The following GALNT2 variants were observed in gnomAD, a reference collection of about 807,000 sequenced individuals.
GALNT2 encodes the protein UDP-GalNAc:polypeptide N-acetylgalactosaminyltransferase 2.
In GALNT2, 31 loss-of-function variants were observed where a neutral mutation model predicts 81.4. The ratio of observed to expected loss-of-function variants is 0.38; its 90% CI spans 0.29 to 0.51. GALNT2 has a LOEUF of 0.51. GALNT2 is among the 20% of genes least tolerant of loss of function. GALNT2 has a pLI of 0.87. For synonymous variants in GALNT2, 303 were observed against 287.4 expected, an observed-to-expected ratio of 1.05 and a Z score of -0.55; for missense variants, 629 against 765.7, an observed-to-expected ratio of 0.82 and a Z score of 2.11.
At chr1:230,267,085 C>G (rs1393563265) in intron 14 of GALNT2, among the ~76,000 whole-genome samples, 1 of 152,176 alleles carries the variant, frequency 6.6e-6, no homozygotes, top group Non-Finnish European at 1.5e-5. Flanking sequence ...GCTCAGTCCC[C>G]CTCTCTTCCT....
At chr1:230,112,519 G>A (rs6697219) in intron 1 of GALNT2, among the ~76,000 whole-genome samples, 65,073 of 151,892 alleles carry the variant, frequency 0.43, 13,952 homozygotes, top group South Asian at 0.53. Flanking sequence ...GGGCAGGATT[G>A]GGGTGAGGGC....
At chr1:230,140,025 C>T (rs1661678183) in intron 1 of GALNT2, among the ~76,000 whole-genome samples, 3 of 152,250 alleles carry the variant, frequency 2.0e-5, no homozygotes, top group Admixed American at 1.3e-4. Flanking sequence ...ACCCCAGGCC[C>T]AGAGAGGCTG....
chr1:230,278,504 C>T (rs542881889), intron 15 of GALNT2, among the ~76,000 whole-genome samples: 13 of 152,136 alleles, frequency 8.5e-5, no homozygotes, highest in African/African-American at 3.1e-4. Flanking sequence ...TTGATTCTGG[C>T]TTAGTTGGTG....
At chr1:230,096,388 G>A (rs555456095) in intron 1 of GALNT2, among the ~76,000 whole-genome samples, 3 of 152,274 alleles carry the variant, frequency 2.0e-5, no homozygotes, top group Admixed American at 2.0e-4. Context: ...TCGTCAAAGG[G>A]AGTCATGGGG....
At chr1:230,102,211 C>G (rs550343869) in intron 1 of GALNT2, among the ~76,000 whole-genome samples, 40 of 152,328 alleles carry the variant, frequency 2.6e-4, no homozygotes, top group African/African-American at 9.4e-4. Flanking sequence ...AAAAGGGGAG[C>G]TTAGACGAAG....
At chr1:230,118,826 G>A (rs1302588764) in intron 1 of GALNT2, among the ~76,000 whole-genome samples, 2 of 152,116 alleles carry the variant, frequency 1.3e-5, no homozygotes, top group Admixed American at 1.3e-4. Context: ...ATTAAAAAAA[G>A]TTATTATAGT....
At chr1:230,084,967 G>A (rs899422770) in intron 1 of GALNT2, among the ~76,000 whole-genome samples, 2 of 152,266 alleles carry the variant, frequency 1.3e-5, no homozygotes, top group East Asian at 1.9e-4. Flanking sequence ...GACCCCAGCT[G>A]TATTTGTAAG....
chr1:230,235,324 G>T (rs1277577453), intron 3 of GALNT2, among the ~76,000 whole-genome samples: 1 of 151,942 alleles, frequency 6.6e-6, no homozygotes, highest in Non-Finnish European at 1.5e-5. Flanking sequence ...TGCTTTGTAG[G>T]TCTGGCCTCT....
intron 6 of GALNT2, among the ~76,000 whole-genome samples, chr1:230,239,276 G>T (rs933303182): frequency 9.2e-5 from 14 of 152,072 alleles, no homozygotes; most frequent in African/African-American, 3.4e-4. Context: ...TCTCCAAAAG[G>T]ACAGAACTAA....
At position 230,255,306 on chromosome 1, in the gene GALNT2, C is replaced by T. The variant is rs753534355; in HGVS notation, c.1098C>T (p.Pro366=). 6.2e-7 allele frequency: 1 copy of T among 1,614,258 alleles called. No homozygotes were observed. The highest frequency in any genetic ancestry group is 8.5e-7 in the Non-Finnish European group (1 of 1,180,050). Reference sequence around the variant, plus strand: ...GACACGTGTTCCGGAAGCAGCACCCCTACACGTTCCCGGGTGGCAGTGGCA... The same window carrying T: ...GACACGTGTTCCGGAAGCAGCACCCTTACACGTTCCCGGGTGGCAGTGGCA... ...RVGHVFRKQH[P]YTFPGGSGTV... is the part of the protein sequence containing the mutation. Residue 366 remains proline, a synonymous_variant, in exon 11 of 16, where the codon CCC becomes CCT. Coordinates refer to ENST00000366672, the MANE Select transcript of GALNT2 (RefSeq NM_004481.5).
intron 15 of GALNT2, among the ~76,000 whole-genome samples, chr1:230,278,050 A>G (rs1003908924): frequency 1.4e-5 from 2 of 147,510 alleles, no homozygotes; most frequent in East Asian, 4.0e-4. Context: ...AAAAAATGTT[A>G]CTTTTTTTTT....
intron 2 of GALNT2, among the ~76,000 whole-genome samples, chr1:230,181,953 A>G (rs930166515): frequency 5.3e-5 from 8 of 152,180 alleles, no homozygotes; most frequent in African/African-American, 1.7e-4. Context: ...ATTTCTTCTT[A>G]TGTGAATTTT....
chr1:230,113,173 G>A (rs368374393), intron 1 of GALNT2, among the ~76,000 whole-genome samples: 29 of 152,242 alleles, frequency 1.9e-4, no homozygotes, highest in African/African-American at 6.5e-4. Context: ...TGGGCACATC[G>A]GATCTGTGCT....
chr1:230,131,149 C>T (rs1661355731), intron 1 of GALNT2, among the ~76,000 whole-genome samples: 1 of 151,772 alleles, frequency 6.6e-6, no homozygotes, highest in East Asian at 1.9e-4. Flanking sequence ...AAATTAAATA[C>T]CTTAACATAT....
chr1:230,168,617 C>T (rs1662688590), intron 1 of GALNT2, among the ~76,000 whole-genome samples: 1 of 152,210 alleles, frequency 6.6e-6, no homozygotes, highest in Admixed American at 6.5e-5. Context: ...GATGTTGGCC[C>T]AGGAGTTTTC....
chr1:230,263,788 G>A (rs371738008), intron 13 of GALNT2: 7 of 152,288 alleles, frequency 4.6e-5, no homozygotes, highest in African/African-American at 7.2e-5. Context: ...ATTTTACAGC[G>A]GCTCACATAT....
At chr1:230,058,080 T>A (rs1658957866) in intron 1 of GALNT2, 1 of 455,998 alleles carries the variant, frequency 2.2e-6, no homozygotes, top group African/African-American at 2.0e-5. Context: ...GCTGACAGAG[T>A]AAGTAGAACT....
chr1:230,149,100 C>T (rs1558110009), intron 1 of GALNT2, among the ~76,000 whole-genome samples: 1 of 152,136 alleles, frequency 6.6e-6, no homozygotes, highest in Non-Finnish European at 1.5e-5. Flanking sequence ...AGGCTGGTCT[C>T]GAACTCCTGG....
intron 1 of GALNT2, among the ~76,000 whole-genome samples, chr1:230,149,186 G>A (rs778653364): frequency 5.9e-5 from 9 of 152,194 alleles, no homozygotes; most frequent in Non-Finnish European, 8.8e-5. Flanking sequence ...TAGCCTACTT[G>A]TTTAATTCTT....
Sources: gnomAD v4.1 joint callset for allele counts (sites outside exome capture counted in the v4.1 genomes callset) on GRCh38, gnomAD v4.1.1 for gene constraint, MANE v1.5 for transcripts, NCBI Gene and HGNC (gene_info 2026-07-23, HGNC 2026-07-21) for gene names.